The following CFAP206 variants were observed in gnomAD, a reference collection of about 807,000 sequenced individuals.
CFAP206 encodes the protein cilia- and flagella-associated protein 206.
In CFAP206, 53 loss-of-function variants were observed where a neutral mutation model predicts 65.4. The ratio of observed to expected loss-of-function variants is 0.81; its 90% confidence interval spans 0.65 to 1.02. The LOEUF (loss-of-function observed/expected upper bound fraction) is 1.02. Among genes scored for constraint, CFAP206 ranks in the 50% least tolerant of loss-of-function variants. The pLI is 0.00. For synonymous variants in CFAP206, 250 were observed against 254.4 expected, an observed-to-expected ratio of 0.98 and a Z score of 0.17; for missense variants, 663 against 753.2, an observed-to-expected ratio of 0.88 and a Z score of 1.40.
intron 11 of CFAP206, among the ~76,000 whole-genome samples, chr6:87,446,103 A>T (rs1451406832): frequency 6.6e-6 from 1 of 152,088 alleles, no homozygotes; most frequent in African/African-American, 2.4e-5. Flanking sequence ...TAGATATCAG[A>T]CCTTTATCAG....
At chr6:87,439,166 G>C (rs779091188) in intron 11 of CFAP206, among the ~76,000 whole-genome samples, 4 of 152,134 alleles carry the variant, frequency 2.6e-5, no homozygotes, top group South Asian at 4.2e-4. Flanking sequence ...ATAATATGTG[G>C]GGGAATTTAC....
intron 9 of CFAP206, among the ~76,000 whole-genome samples, chr6:87,429,833 A>G (rs1158130730): frequency 2.0e-5 from 3 of 152,226 alleles, no homozygotes; most frequent in Non-Finnish European, 4.4e-5. Flanking sequence ...CCAAACTATT[A>G]GAATTCATAA....
intron 4 of CFAP206, 24 bp from the exon 5 acceptor site, chr6:87,415,662 A>G (rs1190180550): frequency 1.2e-5 from 19 of 1,593,198 alleles, no homozygotes; most frequent in Non-Finnish European, 1.6e-5. Context: ...AAATATATAG[A>G]ACATTGTTAT....
intron 11 of CFAP206, among the ~76,000 whole-genome samples, chr6:87,436,534 A>G (rs6916320): frequency 0.94 from 143,629 of 152,256 alleles, 67,838 homozygotes; most frequent in East Asian, 1. Flanking sequence ...CACACAGGCA[A>G]GAAGACCAGA....
At chr6:87,424,069 A>C (rs1767994113) in intron 7 of CFAP206, among the ~76,000 whole-genome samples, 1 of 152,114 alleles carries the variant, frequency 6.6e-6, no homozygotes, top group Admixed American at 6.5e-5. Context: ...ATTTCTGGTG[A>C]CATCTTGGGC....
intron 7 of CFAP206, among the ~76,000 whole-genome samples, chr6:87,424,290 A>AT (rs1582137356): frequency 6.6e-6 from 1 of 151,354 alleles, no homozygotes; most frequent in Admixed American, 6.6e-5. Context: ...ATTTTTTTTT[A>AT]TTTTTTTGGG....
At chr6:87,441,228 T>C (rs1266963088) in intron 11 of CFAP206, 2 of 252,466 alleles carry the variant, frequency 7.9e-6, no homozygotes, top group Non-Finnish European at 1.4e-5. Flanking sequence ...TCATTGAACA[T>C]AGTACTCTAG....
intron 10 of CFAP206, among the ~76,000 whole-genome samples, chr6:87,432,251 C>T (rs1465366526): frequency 6.6e-6 from 1 of 151,826 alleles, no homozygotes; most frequent in Non-Finnish European, 1.5e-5. Flanking sequence ...CTAGAGAGAA[C>T]ACACAATTGG....
chr6:87,452,741 T>C (rs575113124), intron 11 of CFAP206, among the ~76,000 whole-genome samples: 2 of 151,702 alleles, frequency 1.3e-5, no homozygotes, highest in Admixed American at 6.6e-5. Flanking sequence ...GAAGAAACAG[T>C]TGGTGAGCTT....
At chr6:87,445,963 CT>C (rs1334995543) in intron 11 of CFAP206, among the ~76,000 whole-genome samples, 1 of 152,120 alleles carries the variant, frequency 6.6e-6, no homozygotes, top group Non-Finnish European at 1.5e-5. Flanking sequence ...TGATATTGAG[CT>C]TTTTTTCATA....
chr6:87,422,135 A>G (rs1767951073), intron 7 of CFAP206, among the ~76,000 whole-genome samples: 1 of 152,106 alleles, frequency 6.6e-6, no homozygotes, highest in Non-Finnish European at 1.5e-5. Flanking sequence ...GCATTTTTAG[A>G]GGACTAATAT....
Position 87,430,903 on chromosome 6 carries a change from C to A in CFAP206, c.1160-130C>A, listed in dbSNP as rs142654951. The A allele has an allele frequency of 1.0e-3, 827 of 794,030 alleles. 6 individuals carry two copies. In the African/African-American group the frequency reaches 0.013, roughly 12 times the overall value. 49.2% of individuals were successfully genotyped at this position (794,030 alleles called of 1,614,324 possible). A position where few individuals can be genotyped will look rare whatever the true frequency, so the allele number is the denominator to read the frequency against. On this transcript the variant is annotated intron_variant, in intron 9 of 12. Transcript: ENST00000369562. ...CTCATAAATCTGGTTTTGTGAATAT[C>A]AAGTTTTTGCCCATCGGGAAAAGTA...
intron 11 of CFAP206, among the ~76,000 whole-genome samples, chr6:87,451,727 T>G (rs1440918723): frequency 6.6e-6 from 1 of 151,940 alleles, no homozygotes; most frequent in Non-Finnish European, 1.5e-5. Flanking sequence ...ACTCCTATAG[T>G]TCCTGATTCT....
In CFAP206 at chr6:87,409,917, GATT is replaced by G; in HGVS notation, c.79_81del (p.Ile27del). 2 of 1,611,570 alleles carry G rather than the reference GATT, an allele frequency of 1.2e-6. No individual in the cohort carries two copies. Among genetic ancestry groups the G allele is most frequent in the East Asian group, 4.5e-5 (2 of 44,736 alleles). ...GACAAGAATGTGCAGCCCATGGAGAGATTGTTTCTGAAACTCTGATTGCTTTTA... is the reference window on the plus strand; with the variant it reads ...GACAAGAATGTGCAGCCCATGGAGAGGTTTCTGAAACTCTGATTGCTTTTA... On this transcript the variant is annotated inframe_deletion, in exon 2 of 13. Transcript: ENST00000369562.
At position 87,464,299 on chromosome 6, in the gene CFAP206, A is replaced by C. The variant is rs1768791503; in HGVS notation, c.*49A>C. ...ATGCTACTCAATTATGAACAATAGC[A>C]AGTACTTAAAGGTATATTAACATCT... is the stretch of plus-strand genomic sequence containing the variant. On this transcript the variant is annotated 3_prime_UTR_variant, in exon 13 of 13. Coordinates refer to ENST00000369562, the MANE Select transcript of CFAP206 (RefSeq NM_001031743.3). The C allele has an allele frequency of 7.0e-7, 1 of 1,433,520 alleles. No homozygotes were observed. The highest frequency in any genetic ancestry group is 1.4e-5 in the African/African-American group (1 of 70,914). The allele number at this position is 1,433,520 out of a possible 1,614,324, so 88.8% of individuals were successfully genotyped here.
At chr6:87,424,325 G>C (rs896609958) in intron 7 of CFAP206, among the ~76,000 whole-genome samples, 1 of 152,156 alleles carries the variant, frequency 6.6e-6, no homozygotes, top group African/African-American at 2.4e-5. Context: ...TGTTGCCCAA[G>C]CTGGAGTGCA....
chr6:87,445,028 G>A (rs1044416337), intron 11 of CFAP206: 1 of 519,106 alleles, frequency 1.9e-6, no homozygotes, highest in Non-Finnish European at 3.8e-6. Flanking sequence ...CATGTAGAAT[G>A]GTCAAGAGAG....
At chr6:87,445,877 A>G (rs1041597425) in intron 11 of CFAP206, among the ~76,000 whole-genome samples, 1 of 152,070 alleles carries the variant, frequency 6.6e-6, no homozygotes, top group African/African-American at 2.4e-5. Flanking sequence ...TTGTTTCTTC[A>G]CTTTTTAATA....
chr6:87,430,186 G>A (rs1446366647), intron 9 of CFAP206, among the ~76,000 whole-genome samples: 3 of 151,974 alleles, frequency 2.0e-5, no homozygotes, highest in African/African-American at 7.2e-5. Context: ...AGGCATATCA[G>A]GAAAAAAGAG....
Sources: allele counts gnomAD v4.1 joint callset (sites outside exome capture counted in the v4.1 genomes callset), GRCh38; gene constraint gnomAD v4.1.1; transcripts MANE v1.5; gene names NCBI Gene and HGNC (gene_info 2026-07-23, HGNC 2026-07-21).